Variants in KCNH5 observed in about 807,000 individuals in gnomAD.
KCNH5 encodes the protein potassium voltage-gated channel subfamily H member 5.
Under a neutral mutation model 96.1 loss-of-function variants are expected in KCNH5, and 46 were observed. That is an observed-to-expected ratio of 0.48 (90% CI 0.38 to 0.61). The LOEUF (loss-of-function observed/expected upper bound fraction) is 0.61, where lower values mean the gene tolerates loss of function less well. KCNH5 is among the 20% of genes least tolerant of loss of function. KCNH5 has a pLI of 0.00. For missense variants in KCNH5, 907 were observed against 1,225.8 expected, an observed-to-expected ratio of 0.74 and a Z score of 3.88; for synonymous variants, 439 against 449.8, an observed-to-expected ratio of 0.98 and a Z score of 0.30.
intron 1 of KCNH5, among the ~76,000 whole-genome samples, chr14:63,032,523 T>C (rs1047155481): frequency 6.6e-6 from 1 of 152,196 alleles, no homozygotes; most frequent in Non-Finnish European, 1.5e-5. Flanking sequence ...TCACTAACTT[T>C]TTCTAAAAGG....
At chr14:62,785,240 TTGGTTAATGTCTTTCTTCAA>T (rs563405913) in intron 9 of KCNH5, among the ~76,000 whole-genome samples, 1 of 152,310 alleles carries the variant, frequency 6.6e-6, no homozygotes, top group African/African-American at 2.4e-5. Context: ...CAAAGTAAAG[TTGGTTAATGTCTTTCTTCAA>T]GCATATTATG....
chr14:62,919,029 C>T (rs976153733), intron 7 of KCNH5, among the ~76,000 whole-genome samples: 1 of 151,934 alleles, frequency 6.6e-6, no homozygotes, highest in African/African-American at 2.4e-5. Flanking sequence ...AATCCAAAAA[C>T]GTGGTATATA....
intron 6 of KCNH5, among the ~76,000 whole-genome samples, chr14:62,960,675 G>GA (rs1308177090): frequency 6.6e-6 from 1 of 151,864 alleles, no homozygotes; most frequent in Non-Finnish European, 1.5e-5. Context: ...TTTAAAGACA[G>GA]AAAAAAAATT....
intron 6 of KCNH5, among the ~76,000 whole-genome samples, chr14:62,979,520 C>T (rs971894076): frequency 6.6e-6 from 1 of 151,862 alleles, no homozygotes; most frequent in Non-Finnish European, 1.5e-5. Context: ...TCTCCCAACA[C>T]ACATAGAGAA....
intron 8 of KCNH5, among the ~76,000 whole-genome samples, chr14:62,810,427 G>A (rs979790651): frequency 2.0e-5 from 3 of 152,060 alleles, no homozygotes; most frequent in East Asian, 3.9e-4. Flanking sequence ...TAGGAGCTGG[G>A]TAAAATGAGG....
At chr14:62,969,203 T>G (rs891154287) in intron 6 of KCNH5, among the ~76,000 whole-genome samples, 1 of 152,104 alleles carries the variant, frequency 6.6e-6, no homozygotes, top group Non-Finnish European at 1.5e-5. Flanking sequence ...TAAAATAATT[T>G]GAACTATACG....
chr14:62,772,758 G>T (rs1886017855), intron 10 of KCNH5, among the ~76,000 whole-genome samples: 1 of 151,756 alleles, frequency 6.6e-6, no homozygotes, highest in Non-Finnish European at 1.5e-5. Flanking sequence ...TCAGAATGCA[G>T]TATTATCAGC....
chr14:63,024,060 T>C (rs916944072), intron 1 of KCNH5, among the ~76,000 whole-genome samples: 1 of 151,772 alleles, frequency 6.6e-6, no homozygotes, highest in African/African-American at 2.4e-5. Context: ...AATACAAAAA[T>C]TAGCTGGGCA....
At chr14:62,874,106 C>G (rs1888318958) in intron 7 of KCNH5, among the ~76,000 whole-genome samples, 1 of 152,210 alleles carries the variant, frequency 6.6e-6, no homozygotes, top group South Asian at 2.1e-4. Flanking sequence ...CCTGGACTTT[C>G]ATTCCCAAAG....
At chr14:62,955,096 A>T (rs559850230) in intron 6 of KCNH5, among the ~76,000 whole-genome samples, 1 of 151,998 alleles carries the variant, frequency 6.6e-6, no homozygotes, top group Non-Finnish European at 1.5e-5. Flanking sequence ...AAAAAAAAAA[A>T]ACCCCTCAAA....
intron 8 of KCNH5, 98 bp from the exon 9 acceptor site, chr14:62,802,679 C>G: frequency 1.5e-6 from 2 of 1,329,558 alleles, no homozygotes; most frequent in Non-Finnish European, 2.1e-6. Context: ...ATGACTATGT[C>G]TGCTACACTG....
At chr14:63,023,095 C>T (rs902892430) in intron 1 of KCNH5, among the ~76,000 whole-genome samples, 1 of 151,224 alleles carries the variant, frequency 6.6e-6, no homozygotes, top group Non-Finnish European at 1.5e-5. Flanking sequence ...CCCAGCTACC[C>T]GGGAGACTGA....
At chr14:62,964,078 G>A (rs1890261391) in intron 6 of KCNH5, among the ~76,000 whole-genome samples, 1 of 152,062 alleles carries the variant, frequency 6.6e-6, no homozygotes, top group Admixed American at 6.6e-5. Flanking sequence ...AGTTCAAAGA[G>A]TAGCTCCATT....
intron 9 of KCNH5, among the ~76,000 whole-genome samples, chr14:62,799,356 C>G (rs1886601492): frequency 6.6e-6 from 1 of 151,804 alleles, no homozygotes. Context: ...GCGGGTGGAT[C>G]ACCTGAGGTC....
chr14:62,727,538 T>C (rs1884955612), intron 10 of KCNH5, among the ~76,000 whole-genome samples: 1 of 152,184 alleles, frequency 6.6e-6, no homozygotes, highest in Non-Finnish European at 1.5e-5. Flanking sequence ...TTATGATTTG[T>C]AGACATTTCT....
At chr14:62,768,215 TA>T (rs11347891) in intron 10 of KCNH5, among the ~76,000 whole-genome samples, 76,010 of 151,708 alleles carry the variant, frequency 0.5, 19,360 homozygotes, top group South Asian at 0.79. Flanking sequence ...ATACAAATTA[TA>T]AAAAAAATTA....
chr14:62,963,762 T>C (rs1195255771), intron 6 of KCNH5, among the ~76,000 whole-genome samples: 1 of 152,102 alleles, frequency 6.6e-6, no homozygotes, highest in African/African-American at 2.4e-5. Context: ...GTAATCTGAA[T>C]ACCCCAAGGT....
chr14:62,904,578 A>AAC lies in KCNH5; in HGVS notation c.1369+45553_1369+45554dup, dbSNP rs371266019. On this transcript the variant is annotated intron_variant, in intron 7 of 10. Transcript: ENST00000322893. ...CTTGGGTCACCCACCACCAATACTC[A>AAC]ACACACACACACACGCACATACATG... Among the ~76,000 whole-genome samples, 6 of 151,932 alleles carry AAC rather than the reference A, an allele frequency of 3.9e-5. No individual in the cohort carries two copies. In the South Asian group the frequency reaches 8.3e-4, roughly 21 times the overall value.
Position 62,950,455 on chromosome 14 carries a change from G to C in KCNH5, c.1047C>G (p.Leu349=). ...GTCCAAACACACACACCAGGAGCACGAGGACTGCTGCTCCATATTCTAGGT... is the reference window on the plus strand; with the variant it reads ...GTCCAAACACACACACCAGGAGCACCAGGACTGCTGCTCCATATTCTAGGT... ...DHYLEYGAAV[L]VLLVCVFGLV... is the part of the protein sequence containing the mutation. The change falls in exon 7 of 11, where the codon CTC becomes CTG. Residue 349 remains leucine (L), a synonymous_variant. Coordinates refer to ENST00000322893, the MANE Select transcript of KCNH5 (RefSeq NM_139318.5). 6.2e-7 allele frequency: 1 copy of C among 1,613,636 alleles called. No homozygotes were observed. The highest frequency in any genetic ancestry group is 8.5e-7 in the Non-Finnish European group (1 of 1,179,948).
Sources: gnomAD v4.1 joint callset for allele counts (sites outside exome capture counted in the v4.1 genomes callset) on GRCh38, gnomAD v4.1.1 for gene constraint, MANE v1.5 for transcripts, NCBI Gene and HGNC (gene_info 2026-07-23, HGNC 2026-07-21) for gene names.